The following MARCHF11 variants were observed in gnomAD, a reference collection of about 807,000 sequenced individuals.
MARCHF11 encodes membrane associated ring-CH-type finger 11.
In MARCHF11, 29 loss-of-function variants were observed where a neutral mutation model predicts 37.3. The ratio of observed to expected loss-of-function variants is 0.78; its 90% CI spans 0.58 to 1.06. MARCHF11 has a LOEUF of 1.06. MARCHF11 is among the 50% of genes least tolerant of loss of function. The pLI is 0.00. For missense variants in MARCHF11, 482 were observed against 533.4 expected, an observed-to-expected ratio of 0.90 and a Z score of 0.95; for synonymous variants, 233 against 228.0, an observed-to-expected ratio of 1.02 and a Z score of -0.20.
rs571031909 is a variant in MARCHF11 at position 16,157,537 on chromosome 5, G to A, written c.693+20189C>T. Among the ~76,000 whole-genome samples the A allele has an allele frequency of 4.9e-4, 74 of 151,582 alleles. 1 individual carries two copies. Among genetic ancestry groups the A allele is most frequent in the Non-Finnish European group, 2.1e-4 (14 of 67,762 alleles). ...ACAACAGAGAGCCCAGAAATGATAC[G>A]TCCATGATTAACTGGTTTTTGACAA... On this transcript the variant is annotated intron_variant, in intron 2 of 3. Transcript: ENST00000332432.
chr5:16,105,086 G>A (rs1737016572), intron 2 of MARCHF11, among the ~76,000 whole-genome samples: 2 of 152,358 alleles, frequency 1.3e-5, no homozygotes, highest in African/African-American at 4.8e-5. Flanking sequence ...TCTAGACGAA[G>A]TCTGATGGAA....
rs1034522431 is a variant in MARCHF11, at chr5:16,103,028, T to C, written c.694-11947A>G. Among the ~76,000 whole-genome samples the C allele has an allele frequency of 2.0e-5, 3 of 151,850 alleles. No individual in the cohort carries two copies. In the East Asian group the frequency reaches 5.8e-4, roughly 30 times the overall value. ...CCTTTAAGCATCTAATATGTATAAA[T>C]GTATTCATTCAACATGCAACTTATC... On this transcript the variant is annotated intron_variant, in intron 2 of 3. Transcript: ENST00000332432.
At chr5:16,140,293 A>G (rs1737680566) in intron 2 of MARCHF11, among the ~76,000 whole-genome samples, 1 of 152,174 alleles carries the variant, frequency 6.6e-6, no homozygotes. Flanking sequence ...TTAAATAACC[A>G]AAATAAAGAA....
At chr5:16,171,058 GT>G (rs1240081884) in intron 2 of MARCHF11, among the ~76,000 whole-genome samples, 1 of 151,876 alleles carries the variant, frequency 6.6e-6, no homozygotes, top group Non-Finnish European at 1.5e-5. Flanking sequence ...AGAAGCAATG[GT>G]TTTAATATTT....
At chr5:16,147,237 C>T (rs1036881206) in intron 2 of MARCHF11, among the ~76,000 whole-genome samples, 6 of 152,060 alleles carry the variant, frequency 3.9e-5, no homozygotes, top group African/African-American at 1.4e-4. Flanking sequence ...AACTATACAG[C>T]CCTTTATTTA....
At chr5:16,164,962 C>T (rs1407133463) in intron 2 of MARCHF11, among the ~76,000 whole-genome samples, 1 of 152,008 alleles carries the variant, frequency 6.6e-6, no homozygotes, top group African/African-American at 2.4e-5. Context: ...CTGAGACTCT[C>T]CAATAACTTC....
At position 16,121,422 on chromosome 5, in the gene MARCHF11, T is replaced by A. The variant is rs376708029; in HGVS notation, c.694-30341A>T. 3.3e-5 allele frequency among the ~76,000 whole-genome samples: 5 copies of A among 152,346 alleles called. 1 individual carries two copies. Among genetic ancestry groups the A allele is most frequent in the East Asian group, 1.9e-4 (1 of 5,188 alleles). On this transcript the variant is annotated intron_variant, in intron 2 of 3. Coordinates refer to ENST00000332432, the MANE Select transcript of MARCHF11 (RefSeq NM_001102562.3). Reference sequence around the variant, plus strand: ...AGTAACTAACACAGTGGTTGGCATATGGTAGGAACACAGTATATACTCGTT... The same window carrying A: ...AGTAACTAACACAGTGGTTGGCATAAGGTAGGAACACAGTATATACTCGTT...
At chr5:16,114,991 T>G (rs1737206859) in intron 2 of MARCHF11, among the ~76,000 whole-genome samples, 1 of 152,206 alleles carries the variant, frequency 6.6e-6, no homozygotes, top group Admixed American at 6.5e-5. Context: ...ACTTACAGCA[T>G]TTAACTGCAC....
intron 2 of MARCHF11, among the ~76,000 whole-genome samples, chr5:16,145,561 A>G (rs548439138): frequency 5.3e-5 from 8 of 152,298 alleles, no homozygotes; most frequent in African/African-American, 1.7e-4. Flanking sequence ...CAATCCAAGC[A>G]GACTAATAAC....
chr5:16,068,733 G>C (rs1466690717), intron 3 of MARCHF11, among the ~76,000 whole-genome samples: 1 of 152,228 alleles, frequency 6.6e-6, no homozygotes, highest in Non-Finnish European at 1.5e-5. Context: ...GTTGTCCAAA[G>C]GCTTTTGAAT....
intron 2 of MARCHF11, among the ~76,000 whole-genome samples, chr5:16,143,969 C>A (rs1579409668): frequency 6.6e-6 from 1 of 152,208 alleles, no homozygotes; most frequent in Non-Finnish European, 1.5e-5. Context: ...CGTGATGATG[C>A]TCACTCCATC....
intron 2 of MARCHF11, among the ~76,000 whole-genome samples, chr5:16,091,683 G>T (rs1046886691): frequency 2.6e-5 from 4 of 152,100 alleles, no homozygotes; most frequent in African/African-American, 9.7e-5. Flanking sequence ...TAATGGGTAA[G>T]CCATGAAGTA....
chr5:16,084,757 T>A (rs538957249), intron 3 of MARCHF11, among the ~76,000 whole-genome samples: 6,665 of 119,386 alleles, frequency 0.056, 267 homozygotes, highest in African/African-American at 0.2. Context: ...GAAGGAGCAG[T>A]TTTTTTTTTT....
intron 2 of MARCHF11, among the ~76,000 whole-genome samples, chr5:16,121,841 A>G (rs1190096102): frequency 6.6e-6 from 1 of 152,146 alleles, no homozygotes; most frequent in African/African-American, 2.4e-5. Context: ...CAACCCTACC[A>G]TCAATATTAT....
At chr5:16,070,004 A>G (rs546021756) in intron 3 of MARCHF11, among the ~76,000 whole-genome samples, 9 of 152,348 alleles carry the variant, frequency 5.9e-5, no homozygotes, top group African/African-American at 1.9e-4. Context: ...TAACAAGCAA[A>G]CATATCTTAA....
In MARCHF11 at chr5:16,179,494, G is replaced by A. The variant is rs1738434257; in HGVS notation, c.82C>T (p.Pro28Ser). The change falls in exon 1 of 4, where the codon CCG becomes TCG. Residue 28 changes from proline to serine, a missense_variant. Physicochemically the swap from Pro to Ser is moderately conservative, Grantham distance 74. Transcript: ENST00000332432. Reference sequence around the variant, plus strand: ...GGCGGCGGCGTCGGCGGCGGCGGCGGGGGAGGTTGCGGGGGAGGCTCGGCG... The same window carrying A: ...GGCGGCGGCGTCGGCGGCGGCGGCGAGGGAGGTTGCGGGGGAGGCTCGGCG... ...GDAEPPPQPPPPPPPTPPPGE... is the reference protein window; with the variant it reads ...GDAEPPPQPPSPPPPTPPPGE... 1.7e-6 allele frequency: 2 copies of A among 1,160,898 alleles called. No homozygotes were observed. The highest frequency in any genetic ancestry group is 4.0e-5 in the East Asian group (1 of 25,166). 71.9% of individuals were successfully genotyped at this position (1,160,898 alleles called of 1,614,324 possible). A position where few individuals can be genotyped will look rare whatever the true frequency, so the allele number is the denominator to read the frequency against.
intron 2 of MARCHF11, among the ~76,000 whole-genome samples, chr5:16,101,142 CT>C (rs1736948307): frequency 6.6e-6 from 1 of 152,160 alleles, no homozygotes; most frequent in African/African-American, 2.4e-5. Context: ...CACATCTCAT[CT>C]CTCCATGTTA....
chr5:16,070,340 T>G (rs1283345850), intron 3 of MARCHF11, among the ~76,000 whole-genome samples: 2 of 152,202 alleles, frequency 1.3e-5, no homozygotes, highest in Middle Eastern at 6.3e-3. Flanking sequence ...TCATCAACTA[T>G]GAAGCCCTCA....
intron 2 of MARCHF11, among the ~76,000 whole-genome samples, chr5:16,109,213 T>C (rs1399057921): frequency 6.6e-6 from 1 of 152,002 alleles, no homozygotes; most frequent in African/African-American, 2.4e-5. Context: ...CTAAATGTCT[T>C]CTGTACACTA....
Sources: allele counts gnomAD v4.1 joint callset (sites outside exome capture counted in the v4.1 genomes callset), GRCh38; gene constraint gnomAD v4.1.1; transcripts MANE v1.5; gene names NCBI Gene and HGNC (gene_info 2026-07-23, HGNC 2026-07-21).